The following MCTP1 variants were observed in gnomAD, a reference collection of about 807,000 sequenced individuals.
MCTP1 encodes the protein multiple C2 and transmembrane domain-containing protein 1.
A neutral mutation model predicts 120.6 loss-of-function variants in MCTP1; 69 were observed. The ratio of observed to expected loss-of-function variants is 0.57; its 90% CI spans 0.47 to 0.70. The LOEUF (loss-of-function observed/expected upper bound fraction) is 0.70. Ranked by LOEUF, MCTP1 falls within the 30% of genes least tolerant of loss-of-function variation. The pLI is 0.00. For synonymous variants in MCTP1, 529 were observed against 493.1 expected (o/e 1.07, Z -0.96); for missense variants, 1,203 against 1,248.8 (o/e 0.96, Z 0.55).
intron 1 of MCTP1, among the ~76,000 whole-genome samples, chr5:95,233,478 G>A (rs899119267): frequency 3.9e-5 from 6 of 151,984 alleles, no homozygotes; most frequent in East Asian, 1.9e-4. Context: ...ACAGGTGCCC[G>A]CCACCAGGCC....
intron 2 of MCTP1, among the ~76,000 whole-genome samples, chr5:95,009,050 GGGAGAA>G (rs1835348802): frequency 3.0e-5 from 4 of 134,218 alleles, no homozygotes; most frequent in South Asian, 2.7e-4. Context: ...GAGTGAGAGA[GGGAGAA>G]AGAGAGAGAG....
intron 2 of MCTP1, among the ~76,000 whole-genome samples, chr5:94,984,656 C>T (rs1490688802): frequency 6.6e-6 from 1 of 152,084 alleles, no homozygotes; most frequent in African/African-American, 2.4e-5. Flanking sequence ...AAACAATGGA[C>T]ACATGACCTT....
intron 1 of MCTP1, among the ~76,000 whole-genome samples, chr5:95,169,422 G>C (rs1746909828): frequency 1.3e-5 from 2 of 152,156 alleles, no homozygotes; most frequent in African/African-American, 4.8e-5. Context: ...AAATGAGTTA[G>C]GGAGGATTCC....
intron 1 of MCTP1, among the ~76,000 whole-genome samples, chr5:95,137,562 A>G (rs747525939): frequency 6.6e-6 from 1 of 152,232 alleles, no homozygotes; most frequent in East Asian, 1.9e-4. Flanking sequence ...TTGCATGGAC[A>G]TTGAACTTCT....
intron 1 of MCTP1, among the ~76,000 whole-genome samples, chr5:95,244,485 T>G (rs1282309981): frequency 6.6e-6 from 1 of 152,194 alleles, no homozygotes; most frequent in Non-Finnish European, 1.5e-5. Flanking sequence ...CAAATACTGC[T>G]CTTTTCCCAT....
At chr5:95,050,696 C>G (rs1229945717) in intron 1 of MCTP1, among the ~76,000 whole-genome samples, 2 of 152,224 alleles carry the variant, frequency 1.3e-5, no homozygotes, top group Non-Finnish European at 2.9e-5. Context: ...ACCTTCTGGC[C>G]TAAGACCTTG....
At chr5:94,779,405 T>G (rs1354240700) in intron 18 of MCTP1, among the ~76,000 whole-genome samples, 1 of 152,160 alleles carries the variant, frequency 6.6e-6, no homozygotes, top group Non-Finnish European at 1.5e-5. Context: ...ACCTAAAGAA[T>G]TTGAAATATG....
chr5:95,246,630 C>A (rs1390941650), intron 1 of MCTP1, among the ~76,000 whole-genome samples: 1 of 152,176 alleles, frequency 6.6e-6, no homozygotes, highest in African/African-American at 2.4e-5. Flanking sequence ...AATATATATG[C>A]ACCCAATACA....
intron 17 of MCTP1, among the ~76,000 whole-genome samples, chr5:94,836,345 C>A (rs930870701): frequency 6.6e-6 from 1 of 152,098 alleles, no homozygotes; most frequent in Non-Finnish European, 1.5e-5. Flanking sequence ...GCTTACTATA[C>A]AGCTGGGGGA....
chr5:94,832,447 G>A (rs1169580359), intron 17 of MCTP1, among the ~76,000 whole-genome samples: 1 of 152,160 alleles, frequency 6.6e-6, no homozygotes, highest in Non-Finnish European at 1.5e-5. Context: ...GGGAAAATAT[G>A]TCTGTGATTT....
At chr5:95,060,889 G>A (rs1259401268) in intron 1 of MCTP1, among the ~76,000 whole-genome samples, 5 of 148,446 alleles carry the variant, frequency 3.4e-5, no homozygotes, top group African/African-American at 1.3e-4. Context: ...GGAGAAAATC[G>A]CTTCAACCTG....
At chr5:95,147,084 T>A (rs907281329) in intron 1 of MCTP1, among the ~76,000 whole-genome samples, 2 of 151,948 alleles carry the variant, frequency 1.3e-5, no homozygotes, top group African/African-American at 4.8e-5. Flanking sequence ...TATTTTATTT[T>A]ATTTATTTAT....
At chr5:95,210,834 A>G (rs1325627898) in intron 1 of MCTP1, among the ~76,000 whole-genome samples, 1 of 151,972 alleles carries the variant, frequency 6.6e-6, no homozygotes, top group African/African-American at 2.4e-5. Context: ...TTCCATGTTT[A>G]GTGCTTCCTT....
rs1265517995 is a variant in MCTP1 at position 94,705,632 on chromosome 5, C to G, written c.*1864G>C. Reference sequence around the variant, plus strand: ...ACATCTGAAATTTGATACAGTGAAACAAATTAGTCATCTGTTAATGGTTAC... The same window carrying G: ...ACATCTGAAATTTGATACAGTGAAAGAAATTAGTCATCTGTTAATGGTTAC... On this transcript the variant is annotated 3_prime_UTR_variant, in exon 23 of 23. Coordinates refer to ENST00000515393, the MANE Select transcript of MCTP1 (RefSeq NM_024717.7). 6.6e-6 allele frequency: 1 copy of G among 150,904 alleles called. No individual in the cohort carries two copies. The highest frequency in any genetic ancestry group is 1.5e-5 in the Non-Finnish European group (1 of 67,560). The allele number at this position is 150,904 out of a possible 1,614,324, so 9.3% of individuals were successfully genotyped here. A position where few individuals can be genotyped will look rare whatever the true frequency, so the allele number is the denominator to read the frequency against.
intron 2 of MCTP1, among the ~76,000 whole-genome samples, chr5:94,960,708 A>G (rs959962515): frequency 6.6e-6 from 1 of 152,242 alleles, no homozygotes; most frequent in East Asian, 1.9e-4. Context: ...AATACAAATT[A>G]AAACCCCAAT....
At chr5:95,074,415 T>C (rs1341890819) in intron 1 of MCTP1, among the ~76,000 whole-genome samples, 1 of 152,260 alleles carries the variant, frequency 6.6e-6, no homozygotes. Flanking sequence ...ACTACTTTGA[T>C]GACAAAGGTA....
intron 1 of MCTP1, among the ~76,000 whole-genome samples, chr5:95,188,015 A>C (rs1749418067): frequency 6.6e-6 from 1 of 152,178 alleles, no homozygotes. Flanking sequence ...GTACGCACAC[A>C]ATTAAAAATT....
chr5:95,238,364 C>T (rs1024365145), intron 1 of MCTP1, among the ~76,000 whole-genome samples: 7 of 152,110 alleles, frequency 4.6e-5, no homozygotes, highest in African/African-American at 1.2e-4. Flanking sequence ...AATAGAATTG[C>T]GTTTTTGCTA....
chr5:94,805,093 G>GA (rs1782012816), intron 17 of MCTP1, among the ~76,000 whole-genome samples: 1 of 152,012 alleles, frequency 6.6e-6, no homozygotes. Context: ...CCCTATATAT[G>GA]AAAAAAAGCT....
Sources: allele counts gnomAD v4.1 joint callset (sites outside exome capture counted in the v4.1 genomes callset), GRCh38; gene constraint gnomAD v4.1.1; transcripts MANE v1.5; gene names NCBI Gene and HGNC (gene_info 2026-07-23, HGNC 2026-07-21).